The following NRXN3 variants were observed in gnomAD, a reference collection of about 807,000 sequenced individuals.
The protein encoded by NRXN3 is neurexin III.
Under a neutral mutation model 137.6 loss-of-function variants are expected in NRXN3, and 32 were observed. The ratio of observed to expected loss-of-function variants is 0.23; its 90% CI spans 0.18 to 0.31. The LOEUF is 0.31. Among genes scored for constraint, NRXN3 ranks in the 10% least tolerant of loss-of-function variants. The pLI, the probability that NRXN3 is intolerant of heterozygous loss-of-function variation, is 1.00. For missense variants in NRXN3, 1,574 were observed against 2,062.5 expected (o/e 0.76, Z 4.59); for synonymous variants, 798 against 784.5 (o/e 1.02, Z -0.29).
At chr14:78,567,579 C>G (rs999236237) in intron 4 of NRXN3, among the ~76,000 whole-genome samples, 4 of 152,128 alleles carry the variant, frequency 2.6e-5, no homozygotes, top group African/African-American at 9.7e-5. Flanking sequence ...GCTCCCCCAG[C>G]CAGTGAGTGT....
In NRXN3 at chr14:78,243,192, C is replaced by A; in HGVS notation, c.99C>A (p.Leu33=). The A allele has an allele frequency of 6.5e-7, 1 of 1,544,922 alleles. No homozygotes were observed. Among genetic ancestry groups the A allele is most frequent in the South Asian group, 1.2e-5 (1 of 84,492 alleles). ...GLCLGLEFMG[L]PNQWARYLRW... is the part of the protein sequence containing the mutation. ...GCCTGGGCCTTGAGTTCATGGGCCT[C>A]CCCAACCAGTGGGCCCGCTACCTCC... The change falls in exon 2 of 21, where the codon CTC becomes CTA. Residue 33 remains leucine (L), a synonymous_variant. Transcript: ENST00000335750. The surrounding 1 kb of genome is among the most constrained non-coding windows in gnomAD (Gnocchi z 4.2).
chr14:79,368,064 A>G (rs898912995), intron 15 of NRXN3, among the ~76,000 whole-genome samples: 2 of 152,218 alleles, frequency 1.3e-5, no homozygotes, highest in East Asian at 3.8e-4. Context: ...CACTTGGAGC[A>G]TTATTACCTC....
intron 16 of NRXN3, among the ~76,000 whole-genome samples, chr14:79,470,302 ATAAAT>A (rs1332491211): frequency 6.6e-6 from 1 of 152,196 alleles, no homozygotes; most frequent in Non-Finnish European, 1.5e-5. Flanking sequence ...TATAAGGAAC[ATAAAT>A]TAATTTCTCA....
intron 1 of NRXN3, among the ~76,000 whole-genome samples, chr14:78,227,680 G>A (rs1234114045): frequency 2.0e-5 from 3 of 152,212 alleles, no homozygotes; most frequent in South Asian, 2.1e-4. Context: ...CGAGGCTGAA[G>A]TACATCGTGG....
chr14:79,084,925 T>A (rs1384942436), intron 15 of NRXN3, among the ~76,000 whole-genome samples: 2 of 152,170 alleles, frequency 1.3e-5, no homozygotes, highest in Non-Finnish European at 2.9e-5. Flanking sequence ...GTTTATAGAC[T>A]GTTGGGGACC....
chr14:79,494,512 G>A (rs2096747878), intron 16 of NRXN3, among the ~76,000 whole-genome samples: 1 of 152,150 alleles, frequency 6.6e-6, no homozygotes, highest in Non-Finnish European at 1.5e-5. Flanking sequence ...AGCCTTGCAT[G>A]AAACGTCATT....
intron 10 of NRXN3, among the ~76,000 whole-genome samples, chr14:78,936,387 A>G (rs1042732751): frequency 1.3e-5 from 2 of 152,208 alleles, no homozygotes; most frequent in East Asian, 1.9e-4. Context: ...CCAAGGAACT[A>G]TGGAGAAACA....
intron 16 of NRXN3, among the ~76,000 whole-genome samples, chr14:79,559,167 G>A (rs926665892): frequency 6.6e-6 from 1 of 152,144 alleles, no homozygotes; most frequent in South Asian, 2.1e-4. Context: ...TATCATTTGA[G>A]TCTTCACTAG....
At chr14:78,944,504 A>G (rs943536619) in intron 10 of NRXN3, among the ~76,000 whole-genome samples, 6 of 152,202 alleles carry the variant, frequency 3.9e-5, no homozygotes, top group Non-Finnish European at 5.9e-5. Flanking sequence ...TGCACATGCA[A>G]TTAGTTAAGA....
intron 15 of NRXN3, among the ~76,000 whole-genome samples, chr14:79,354,014 A>G (rs1444925235): frequency 6.6e-6 from 1 of 152,144 alleles, no homozygotes; most frequent in Non-Finnish European, 1.5e-5. Context: ...CAGCTACGAC[A>G]TCTTTTGTCA....
At chr14:79,711,210 T>G (rs981117367) in intron 19 of NRXN3, among the ~76,000 whole-genome samples, 1 of 152,184 alleles carries the variant, frequency 6.6e-6, no homozygotes, top group African/African-American at 2.4e-5. Context: ...TTGTGTTGGT[T>G]TGAGATTATA....
At chr14:79,027,828 C>T (rs2099601080) in intron 15 of NRXN3, among the ~76,000 whole-genome samples, 1 of 152,136 alleles carries the variant, frequency 6.6e-6, no homozygotes, top group South Asian at 2.1e-4. Context: ...TGTGAATCCA[C>T]CAGTCCTTTT....
intron 4 of NRXN3, among the ~76,000 whole-genome samples, chr14:78,459,940 G>C (rs1279014962): frequency 1.2e-4 from 19 of 152,186 alleles, no homozygotes; most frequent in Admixed American, 1.2e-3. Flanking sequence ...CTCCACTTCA[G>C]ATGTCAGTTA....
intron 1 of NRXN3, among the ~76,000 whole-genome samples, chr14:78,175,330 G>A (rs996535294): frequency 6.6e-6 from 1 of 152,174 alleles, no homozygotes; most frequent in African/African-American, 2.4e-5. Flanking sequence ...TGGGGAGTAG[G>A]ATGCCTTGGG....
chr14:79,847,713 T>C (rs1478131754), intron 20 of NRXN3, among the ~76,000 whole-genome samples: 5 of 152,122 alleles, frequency 3.3e-5, no homozygotes, highest in Non-Finnish European at 7.4e-5. Context: ...GGGAGAATTC[T>C]CCTTAAATCT....
intron 16 of NRXN3, among the ~76,000 whole-genome samples, chr14:79,622,277 C>A (rs1023148838): frequency 2.6e-5 from 4 of 152,074 alleles, no homozygotes; most frequent in African/African-American, 9.7e-5. Context: ...AGAAGTGATC[C>A]TTTTGTCAGT....
chr14:79,621,924 C>A (rs188297384), intron 16 of NRXN3, among the ~76,000 whole-genome samples: 1 of 152,052 alleles, frequency 6.6e-6, no homozygotes, highest in East Asian at 1.9e-4. Flanking sequence ...CATGGAGATC[C>A]CTTGGATATT....
chr14:78,439,946 C>A (rs2094190383), intron 4 of NRXN3, among the ~76,000 whole-genome samples: 1 of 152,194 alleles, frequency 6.6e-6, no homozygotes, highest in African/African-American at 2.4e-5. Flanking sequence ...GCCCCAAATG[C>A]CAGGAAGGTG....
intron 16 of NRXN3, among the ~76,000 whole-genome samples, chr14:79,474,903 C>T (rs2096546331): frequency 6.6e-6 from 1 of 152,070 alleles, no homozygotes; most frequent in Non-Finnish European, 1.5e-5. Flanking sequence ...CCATGACCAT[C>T]ACCACCACCA....
Sources: gnomAD v4.1 joint callset for allele counts (sites outside exome capture counted in the v4.1 genomes callset) on GRCh38, gnomAD v4.1.1 for gene constraint, Gnocchi (gnomAD v3.1) non-coding constraint, MANE v1.5 for transcripts, NCBI Gene and HGNC (gene_info 2026-07-23, HGNC 2026-07-21) for gene names.